Variants in SLC44A5 observed in about 807,000 individuals in gnomAD.
The protein encoded by SLC44A5 is choline transporter-like protein 5.
SLC44A5 carries 57 observed loss-of-function variants against 101.8 expected under a neutral mutation model. The ratio of observed to expected loss-of-function variants is 0.56; its 90% CI spans 0.45 to 0.70. The LOEUF is 0.70. SLC44A5 is among the 30% of genes least tolerant of loss of function. The probability of loss-of-function intolerance (pLI) is 0.00; values close to 1 mark genes in which losing one functional copy is unlikely to be tolerated. For synonymous variants in SLC44A5, 281 were observed against 290.9 expected (o/e 0.97, Z 0.35); for missense variants, 737 against 853.1 (o/e 0.86, Z 1.70).
At chr1:75,455,039 A>G (rs1474461493) in intron 2 of SLC44A5, among the ~76,000 whole-genome samples, 1 of 152,134 alleles carries the variant, frequency 6.6e-6, no homozygotes, top group Non-Finnish European at 1.5e-5. Flanking sequence ...TTCATATGGA[A>G]CACAAAAAGA....
At chr1:75,493,351 C>T (rs151275401) in intron 2 of SLC44A5, among the ~76,000 whole-genome samples, 9 of 152,132 alleles carry the variant, frequency 5.9e-5, no homozygotes, top group South Asian at 4.1e-4. Context: ...AGCCAGATAT[C>T]GAACAATACA....
the SLC44A5 span, among the ~76,000 whole-genome samples, chr1:75,684,884 C>T: frequency 6.6e-6 from 1 of 152,178 alleles, no homozygotes; most frequent in African/African-American, 2.4e-5. Flanking sequence ...AGTGGGGATT[C>T]TGTGTGGGGC....
At chr1:75,502,548 ATTTG>A (rs927143894) in intron 2 of SLC44A5, among the ~76,000 whole-genome samples, 18 of 148,128 alleles carry the variant, frequency 1.2e-4, no homozygotes, top group Non-Finnish European at 6.0e-5. Flanking sequence ...TTTCTTTTTT[ATTTG>A]TTTATTTTTT....
Position 75,405,011 on chromosome 1 carries a change from G to T in SLC44A5, c.14-8390C>A, listed in dbSNP as rs192786818. Among the ~76,000 whole-genome samples the T allele has an allele frequency of 5.1e-4, 78 of 152,298 alleles. 1 individual carries two copies. The highest frequency in any genetic ancestry group is 1.7e-3 in the African/African-American group (71 of 41,562). On this transcript the variant is annotated intron_variant, in intron 2 of 23. Transcript: ENST00000370859. ...AAAGGAATGGAGGAAGATTTATGAA[G>T]CAAATGGAAAGCAAAAAGAAGCAAG...
Position 75,488,591 on chromosome 1 carries a change from AT to A in SLC44A5, c.13+52843del, listed in dbSNP as rs572704324. ...TCCAAATAATCCGGATTTTCAAAAA[AT>A]CAACTGCCATCATTCATATTTAGTC... On this transcript the variant is annotated intron_variant, in intron 2 of 23. Coordinates refer to ENST00000370859, the MANE Select transcript of SLC44A5 (RefSeq NM_001130058.2). Among the ~76,000 whole-genome samples, 131 of 152,346 alleles carry A rather than the reference AT, an allele frequency of 8.6e-4. 1 individual carries two copies. Among genetic ancestry groups the A allele is most frequent in the Non-Finnish European group, 1.3e-3 (87 of 68,032 alleles).
At chr1:75,663,312 T>G in the SLC44A5 span, among the ~76,000 whole-genome samples, 1 of 152,280 alleles carries the variant, frequency 6.6e-6, no homozygotes, top group East Asian at 1.9e-4. Flanking sequence ...CAGCATTCTT[T>G]TGTTCCATCA....
Position 75,537,031 on chromosome 1 carries a change from A to ATATATATAT in SLC44A5, c.13+4403_13+4404insATATATATA, listed in dbSNP as rs1372222209. Among the ~76,000 whole-genome samples the ATATATATAT allele has an allele frequency of 2.0e-3, 31 of 15,736 alleles. 1 individual carries two copies. The highest frequency in any genetic ancestry group is 0.019 in the East Asian group (5 of 268). The allele number at this position is 15,736 out of a possible 152,430, so 10.3% of individuals were successfully genotyped here. Reference sequence around the variant, plus strand: ...AAAAAAAAAAAAAAAAAAAAAAAAAAAAATATATATCTATGCCAAATGATT... The same window carrying ATATATATAT: ...AAAAAAAAAAAAAAAAAAAAAAAAAATATATATATAAATATATATCTATGCCAAATGATT... On this transcript the variant is annotated intron_variant, in intron 2 of 23. Transcript: ENST00000370859.
At chr1:75,702,722 C>A in the SLC44A5 span, among the ~76,000 whole-genome samples, 8 of 151,908 alleles carry the variant, frequency 5.3e-5, no homozygotes, top group East Asian at 3.9e-4. Context: ...CTGAACAGGC[C>A]ACCTACAGAA....
chr1:75,410,871 C>T (rs1039485768), intron 2 of SLC44A5, among the ~76,000 whole-genome samples: 2 of 152,090 alleles, frequency 1.3e-5, no homozygotes, highest in East Asian at 1.9e-4. Flanking sequence ...TCTGTGCTAA[C>T]GGTGTGACAC....
intron 2 of SLC44A5, among the ~76,000 whole-genome samples, chr1:75,467,904 T>C (rs183168160): frequency 1.7e-5 from 2 of 117,892 alleles, no homozygotes; most frequent in East Asian, 9.3e-4. Flanking sequence ...ACTCACAAAA[T>C]GGGAGAAAAT....
chr1:75,358,022 A>ACACACG (rs138148095), intron 3 of SLC44A5, among the ~76,000 whole-genome samples: 5 of 151,878 alleles, frequency 3.3e-5, no homozygotes, highest in African/African-American at 1.2e-4. Context: ...ACACACACAC[A>ACACACG]CACACATACA....
the SLC44A5 span, among the ~76,000 whole-genome samples, chr1:75,638,892 A>T: frequency 5.0e-4 from 76 of 152,190 alleles, 1 homozygote; most frequent in African/African-American, 1.8e-3. Context: ...TCTTCTGCCA[A>T]TTGCAACAAT....
chr1:75,394,080 G>C (rs188489367), intron 3 of SLC44A5, among the ~76,000 whole-genome samples: 1 of 152,246 alleles, frequency 6.6e-6, no homozygotes, highest in East Asian at 1.9e-4. Context: ...CATCCTGGGG[G>C]CTCTCCAACA....
At chr1:75,701,734 A>T in the SLC44A5 span, among the ~76,000 whole-genome samples, 1 of 152,184 alleles carries the variant, frequency 6.6e-6, no homozygotes, top group African/African-American at 2.4e-5. Context: ...TTTGCCGATG[A>T]CATGATTGTA....
intron 13 of SLC44A5, among the ~76,000 whole-genome samples, chr1:75,224,769 TA>T (rs35175526): frequency 0.39 from 55,312 of 141,640 alleles, 10,822 homozygotes; most frequent in East Asian, 0.81. Context: ...ATATTGGAAG[TA>T]AAAAAAAAAA....
chr1:75,425,720 A>G (rs1437009276), intron 2 of SLC44A5, among the ~76,000 whole-genome samples: 1 of 152,198 alleles, frequency 6.6e-6, no homozygotes, highest in Admixed American at 6.5e-5. Flanking sequence ...GGAGAGGTCA[A>G]GTTAGGTCCC....
intron 2 of SLC44A5, among the ~76,000 whole-genome samples, chr1:75,456,976 A>T (rs1368564031): frequency 6.6e-6 from 1 of 152,242 alleles, no homozygotes; most frequent in African/African-American, 2.4e-5. Flanking sequence ...ACAGCCTGTT[A>T]TAACACACAG....
chr1:75,712,730 A>C, the SLC44A5 span, among the ~76,000 whole-genome samples: 3 of 151,848 alleles, frequency 2.0e-5, no homozygotes, highest in East Asian at 5.8e-4. Flanking sequence ...AAGAAAAAAA[A>C]AATCAGGTAC....
At chr1:75,522,993 C>G (rs945796886) in intron 2 of SLC44A5, among the ~76,000 whole-genome samples, 1 of 152,200 alleles carries the variant, frequency 6.6e-6, no homozygotes, top group Non-Finnish European at 1.5e-5. Flanking sequence ...AACCCTAGTA[C>G]AAGTGCAGCT....
Sources: allele counts gnomAD v4.1 joint callset (sites outside exome capture counted in the v4.1 genomes callset), GRCh38; gene constraint gnomAD v4.1.1; transcripts MANE v1.5; gene names NCBI Gene and HGNC (gene_info 2026-07-23, HGNC 2026-07-21).